Variants in AFF2 observed in about 807,000 individuals in gnomAD.
AFF2 encodes the protein ALF transcription elongation factor 2.
AFF2 carries 14 observed loss-of-function variants against 76.9 expected under a neutral mutation model. The observed-to-expected ratio is 0.18, with a 90% CI of 0.12 to 0.28. The LOEUF is 0.28. Among genes scored for constraint, AFF2 ranks in the 10% least tolerant of loss-of-function variants. The pLI, the probability that AFF2 is intolerant of heterozygous loss-of-function variation, is 1.00. For missense variants in AFF2, 868 were observed against 1,001.1 expected, an observed-to-expected ratio of 0.87 and a Z score of 1.79; for synonymous variants, 398 against 366.7, an observed-to-expected ratio of 1.09 and a Z score of -0.98.
At chrX:148,665,058 C>G (rs2054344750) in intron 3 of AFF2, among the ~76,000 whole-genome samples, 1 of 112,208 alleles carries the variant, frequency 8.9e-6, no homozygotes, top group South Asian at 3.7e-4. Context: ...CTGTTCCCTC[C>G]TTACACAGCC....
chrX:148,781,886 A>G (rs57717106), intron 3 of AFF2, among the ~76,000 whole-genome samples: 6,595 of 111,331 alleles, frequency 0.059, 456 homozygotes, highest in African/African-American at 0.2. Context: ...GGAAAAGCAT[A>G]GTATCTGGGC....
At chrX:148,711,141 G>A (rs1215046515) in intron 3 of AFF2, among the ~76,000 whole-genome samples, 1 of 111,781 alleles carries the variant, frequency 8.9e-6, no homozygotes, top group Non-Finnish European at 1.9e-5. Context: ...TTTTCTCTAT[G>A]TAGAATAGTT....
intron 19 of AFF2, among the ~76,000 whole-genome samples, chrX:148,985,285 C>CTTTTTTTTTT (rs151339705): frequency 0.016 from 247 of 15,375 alleles, 108 homozygotes; most frequent in Non-Finnish European, 0.023. Context: ...TGTGCCTGGC[C>CTTTTTTTTTT]TTTTTTTTTT....
chrX:148,531,187 C>T (rs1328651356), intron 1 of AFF2, among the ~76,000 whole-genome samples: 1 of 111,657 alleles, frequency 9.0e-6, no homozygotes, highest in Non-Finnish European at 1.9e-5. Context: ...CTTCCCCATC[C>T]CCCATCTGAC....
rs1271578298 is a variant in AFF2 at position 148,889,159 on chromosome X, A to G, written c.1359+3174A>G. On this transcript the variant is annotated intron_variant, in intron 8 of 20. Transcript: ENST00000370460. ...GGCTTAGAGCATAAGCATCCCCAAGAGAATACATTTCAAATACATGTATGA... is the reference window on the plus strand; with the variant it reads ...GGCTTAGAGCATAAGCATCCCCAAGGGAATACATTTCAAATACATGTATGA... Among the ~76,000 whole-genome samples, 3 of 111,725 alleles carry G rather than the reference A, an allele frequency of 2.7e-5. No individual in the cohort carries two copies. The Admixed American group carries it at 2.9e-4, about 11-fold the overall frequency.
chrX:148,552,333 G>C (rs1388748033), intron 1 of AFF2, among the ~76,000 whole-genome samples: 2 of 111,746 alleles, frequency 1.8e-5, no homozygotes, highest in Non-Finnish European at 3.8e-5. Context: ...CCAAAGCCTT[G>C]CCCAGTGTGT....
rs190916283 is a variant in AFF2 at position 148,752,296 on chromosome X, T to C, written c.1042-57580T>C. 8.0e-5 allele frequency among the ~76,000 whole-genome samples: 9 copies of C among 112,185 alleles called. No homozygotes were observed. The Admixed American group carries it at 8.5e-4, about 11-fold the overall frequency. On this transcript the variant is annotated intron_variant, in intron 3 of 20. Transcript: ENST00000370460. Reference sequence around the variant, plus strand: ...GTTATAATATGAACTTTGTTAGTCATTGTCTTTTATCTGCTGCTGGGCTTT... The same window carrying C: ...GTTATAATATGAACTTTGTTAGTCACTGTCTTTTATCTGCTGCTGGGCTTT...
intron 3 of AFF2, among the ~76,000 whole-genome samples, chrX:148,683,054 G>A (rs971125038): frequency 8.9e-6 from 1 of 111,996 alleles, no homozygotes; most frequent in African/African-American, 3.2e-5. Context: ...GAGATCAACA[G>A]AGGACTTTGC....
intron 3 of AFF2, among the ~76,000 whole-genome samples, chrX:148,805,523 A>G (rs546812199): frequency 8.9e-6 from 1 of 111,837 alleles, no homozygotes; most frequent in South Asian, 3.8e-4. Flanking sequence ...ATGTCTCTCA[A>G]TGCCACTATC....
chrX:148,809,863 T>A lies in AFF2; in HGVS notation c.1042-13T>A, dbSNP rs2070181689. ...TAGATTGTGCCTAATGTTTTCTGTT[T>A]ATTTTGTTTCAGGTAAGCCTTCCCA... On this transcript the variant is annotated splice_polypyrimidine_tract_variant and intron_variant, in intron 3 of 20. Coordinates refer to ENST00000370460, the MANE Select transcript of AFF2 (RefSeq NM_002025.4). 1 of 1,208,000 alleles carries A rather than the reference T, an allele frequency of 8.3e-7. No individual in the cohort carries two copies. Among genetic ancestry groups the A allele is most frequent in the Non-Finnish European group, 1.1e-6 (1 of 893,249 alleles).
At chrX:148,683,767 C>T (rs1332884710) in intron 3 of AFF2, among the ~76,000 whole-genome samples, 1 of 111,865 alleles carries the variant, frequency 8.9e-6, no homozygotes, top group Non-Finnish European at 1.9e-5. Context: ...ATGCTTTGCC[C>T]ATTCCTGGTC....
intron 1 of AFF2, among the ~76,000 whole-genome samples, chrX:148,625,569 C>T (rs2053917347): frequency 9.0e-6 from 1 of 110,619 alleles, no homozygotes; most frequent in Non-Finnish European, 1.9e-5. Context: ...GCTGCCTGTC[C>T]CTTCCTCCTC....
At chrX:148,869,973 C>A (rs1557277198) in intron 7 of AFF2, among the ~76,000 whole-genome samples, 1 of 111,511 alleles carries the variant, frequency 9.0e-6, no homozygotes, top group Non-Finnish European at 1.9e-5. Flanking sequence ...CCAAATAAGA[C>A]CACATTCTGA....
rs369241120 is a variant in AFF2 at position 148,831,431 on chromosome X, T to A, written c.1087-6216T>A. On this transcript the variant is annotated intron_variant, in intron 4 of 20. Coordinates refer to ENST00000370460, the MANE Select transcript of AFF2 (RefSeq NM_002025.4). ...TTATAAAAGTATTAATTTGGGGAACTAATAAATGTCCATGAAATCTTCACA... is the reference window on the plus strand; with the variant it reads ...TTATAAAAGTATTAATTTGGGGAACAAATAAATGTCCATGAAATCTTCACA... 5.3e-5 allele frequency among the ~76,000 whole-genome samples: 6 copies of A among 112,405 alleles called. No individual in the cohort carries two copies. In the East Asian group the frequency reaches 1.7e-3, roughly 32 times the overall value.
intron 16 of AFF2, among the ~76,000 whole-genome samples, chrX:148,975,431 G>T (rs1165830046): frequency 9.0e-6 from 1 of 111,699 alleles, no homozygotes; most frequent in African/African-American, 3.3e-5. Context: ...CTATGCAGCC[G>T]CACAAAATAT....
chrX:148,641,716 A>G (rs781891609), intron 1 of AFF2, among the ~76,000 whole-genome samples: 20 of 111,195 alleles, frequency 1.8e-4, no homozygotes, highest in Non-Finnish European at 3.0e-4. Context: ...GTTTGAATGA[A>G]GTATGAAGTT....
intron 3 of AFF2, among the ~76,000 whole-genome samples, chrX:148,714,000 A>T (rs2054999499): frequency 8.9e-6 from 1 of 112,065 alleles, no homozygotes; most frequent in Non-Finnish European, 1.9e-5. Flanking sequence ...CTGCAATGTA[A>T]TTGATATATG....
intron 19 of AFF2, among the ~76,000 whole-genome samples, chrX:148,983,965 A>AAAAAAAAAAAAAAAAACAAAAAAAC (rs1438744109): frequency 9.0e-5 from 9 of 99,792 alleles, no homozygotes; most frequent in African/African-American, 3.1e-4. Context: ...AAAAAAAAAA[A>AAAAAAAAAAAAAAAAACAAAAAAAC]AAACTGCCCT....
At chrX:148,957,932 C>A (rs1392644032) in intron 11 of AFF2, among the ~76,000 whole-genome samples, 1 of 112,526 alleles carries the variant, frequency 8.9e-6, no homozygotes. Flanking sequence ...ATATGTCAGC[C>A]ATGATCCCCA....
Sources: allele counts gnomAD v4.1 joint callset (sites outside exome capture counted in the v4.1 genomes callset), GRCh38; gene constraint gnomAD v4.1.1; transcripts MANE v1.5; gene names NCBI Gene and HGNC (gene_info 2026-07-23, HGNC 2026-07-21).